Variants in COL5A2 observed in about 807,000 individuals in gnomAD.
The protein encoded by COL5A2 is collagen alpha-2(V) chain.
A neutral mutation model predicts 208.2 loss-of-function variants in COL5A2; 23 were observed. The ratio of observed to expected loss-of-function variants is 0.11; its 90% CI spans 0.08 to 0.16. COL5A2 has a LOEUF of 0.16. Among genes scored for constraint, COL5A2 ranks in the 10% least tolerant of loss-of-function variants. COL5A2 has a pLI of 1.00. For missense variants in COL5A2, 1,590 were observed against 1,956.4 expected (o/e 0.81, Z 3.53); for synonymous variants, 625 against 628.5 (o/e 0.99, Z 0.08).
the COL5A2 span, among the ~76,000 whole-genome samples, chr2:189,328,121 C>T: frequency 2.0e-5 from 3 of 152,288 alleles, no homozygotes; most frequent in African/African-American, 4.8e-5. Flanking sequence ...TCCAACAAAG[C>T]TGGCATCCTG....
chr2:189,150,111 C>A (rs1465792166), intron 1 of COL5A2, among the ~76,000 whole-genome samples: 1 of 152,142 alleles, frequency 6.6e-6, no homozygotes, highest in African/African-American at 2.4e-5. Context: ...CTAGCCCTCA[C>A]TCATTACTGG....
At chr2:189,395,280 T>C in the COL5A2 span, among the ~76,000 whole-genome samples, 1 of 152,220 alleles carries the variant, frequency 6.6e-6, no homozygotes, top group East Asian at 1.9e-4. Context: ...ACATTATGAA[T>C]TAAAATGAAA....
At chr2:189,134,418 G>C (rs564546748) in intron 1 of COL5A2, among the ~76,000 whole-genome samples, 1 of 152,074 alleles carries the variant, frequency 6.6e-6, no homozygotes, top group Admixed American at 6.5e-5. Flanking sequence ...GCGAAACCCC[G>C]TCTCCACTAA....
chr2:189,359,236 A>T, the COL5A2 span, among the ~76,000 whole-genome samples: 1 of 152,010 alleles, frequency 6.6e-6, no homozygotes, highest in Non-Finnish European at 1.5e-5. Context: ...TATTTTGTTG[A>T]GGTATACTTC....
At chr2:189,285,573 C>T in the COL5A2 span, among the ~76,000 whole-genome samples, 2 of 152,032 alleles carry the variant, frequency 1.3e-5, no homozygotes, top group Admixed American at 6.6e-5. Context: ...TAGCTGATTT[C>T]CAGAAGGTCA....
rs56339059 is a variant in COL5A2, at chr2:189,034,353, A to G, written c.4354-137T>C. On this transcript the variant is annotated intron_variant, in intron 53 of 53. Coordinates refer to ENST00000374866, the MANE Select transcript of COL5A2 (RefSeq NM_000393.5). ...CTACTTAAAAAAAAGGAATGAAAAC[A>G]TAAAGTGAAATATTAGTGTACTTAT... is the stretch of plus-strand genomic sequence containing the variant. The G allele has an allele frequency of 0.022, 19,487 of 883,938 alleles. 260 individuals are homozygous for G. Among genetic ancestry groups the G allele is most frequent in the African/African-American group, 0.037 (2,206 of 60,038 alleles). 54.8% of individuals were successfully genotyped at this position (883,938 alleles called of 1,614,324 possible). A position where few individuals can be genotyped will look rare whatever the true frequency, so the allele number is the denominator to read the frequency against.
intron 1 of COL5A2, among the ~76,000 whole-genome samples, chr2:189,146,696 C>T (rs777935386): frequency 3.9e-5 from 6 of 152,074 alleles, no homozygotes; most frequent in Admixed American, 1.3e-4. Flanking sequence ...AACCACGGGA[C>T]GTCTGGAGAC....
At chr2:189,098,589 T>C in intron 5 of COL5A2, 138 bp downstream of exon 5, 2 of 703,444 alleles carry the variant, frequency 2.8e-6, no homozygotes, top group South Asian at 3.3e-5. Flanking sequence ...AACTTGAAGA[T>C]GGTTTAAGAC....
intron 6 of COL5A2, 82 bp from the exon 7 acceptor site, chr2:189,092,502 G>T: frequency 1.2e-6 from 1 of 818,936 alleles, no homozygotes; most frequent in Non-Finnish European, 2.1e-6. Flanking sequence ...CTTCTTAATG[G>T]CAAGGGAGTG....
chr2:189,365,742 G>A, the COL5A2 span, among the ~76,000 whole-genome samples: 1 of 152,204 alleles, frequency 6.6e-6, no homozygotes, highest in African/African-American at 2.4e-5. Flanking sequence ...AACTCCCCTG[G>A]AGGCACTCCA....
the COL5A2 span, among the ~76,000 whole-genome samples, chr2:189,423,914 C>A: frequency 3.3e-5 from 5 of 151,540 alleles, no homozygotes; most frequent in African/African-American, 9.7e-5. Context: ...AAGCTACAGG[C>A]CAACATCCCT....
the COL5A2 span, among the ~76,000 whole-genome samples, chr2:189,233,759 C>T: frequency 6.6e-6 from 1 of 151,608 alleles, no homozygotes; most frequent in South Asian, 2.1e-4. Context: ...AGTCACAGCT[C>T]CCAGTCAGCC....
chr2:189,275,801 A>G, the COL5A2 span, among the ~76,000 whole-genome samples: 3 of 152,146 alleles, frequency 2.0e-5, no homozygotes, highest in South Asian at 6.2e-4. Flanking sequence ...TAAAATTCCA[A>G]TCTTCTGGAA....
At chr2:189,088,809 A>G in intron 7 of COL5A2, 37 bp from the exon 8 acceptor site, 1 of 1,489,142 alleles carries the variant, frequency 6.7e-7, no homozygotes, top group Non-Finnish European at 9.4e-7. Flanking sequence ...TTCTACAGTA[A>G]AAGACATACA....
At chr2:189,093,872 G>C (rs1347959798) in intron 6 of COL5A2, among the ~76,000 whole-genome samples, 3 of 152,124 alleles carry the variant, frequency 2.0e-5, no homozygotes, top group Non-Finnish European at 4.4e-5. Context: ...ATAATAGTCT[G>C]GTTTATTCAT....
At chr2:189,307,962 T>G in the COL5A2 span, among the ~76,000 whole-genome samples, 1 of 152,206 alleles carries the variant, frequency 6.6e-6, no homozygotes, top group African/African-American at 2.4e-5. Flanking sequence ...TTCTATGGAA[T>G]AGCTGTTCTT....
the COL5A2 span, among the ~76,000 whole-genome samples, chr2:189,359,076 A>T: frequency 6.6e-6 from 1 of 151,996 alleles, no homozygotes; most frequent in Non-Finnish European, 1.5e-5. Context: ...CTTTTTACTG[A>T]TTGCTTTTGC....
intron 49 of COL5A2, 52 bp from the exon 50 acceptor site, chr2:189,041,745 A>G: frequency 8.4e-7 from 1 of 1,186,944 alleles, no homozygotes; most frequent in Non-Finnish European, 1.3e-6. Flanking sequence ...AAATTTTACA[A>G]TGCCTTTCTC....
At chr2:189,041,561 T>C (rs760309903) in intron 50 of COL5A2, 25 bp downstream of exon 50, 2 of 1,515,332 alleles carry the variant, frequency 1.3e-6, no homozygotes, top group South Asian at 1.1e-5. Flanking sequence ...TAGCATTTCT[T>C]GCATGTAAAC....
Sources: gnomAD v4.1 joint callset for allele counts (sites outside exome capture counted in the v4.1 genomes callset) on GRCh38, gnomAD v4.1.1 for gene constraint, MANE v1.5 for transcripts, NCBI Gene and HGNC (gene_info 2026-07-23, HGNC 2026-07-21) for gene names.